The following AQR variants were observed in gnomAD, a reference collection of about 807,000 sequenced individuals.
The protein encoded by AQR is RNA helicase aquarius.
In AQR, 61 loss-of-function variants were observed where a neutral mutation model predicts 180.5. That is an observed-to-expected ratio of 0.34 (90% CI 0.28 to 0.42). The LOEUF (loss-of-function observed/expected upper bound fraction) is 0.42. AQR is among the 10% of genes least tolerant of loss of function. AQR has a pLI of 1.00. For missense variants in AQR, 1,281 were observed against 1,798.3 expected (o/e 0.71, Z 5.20); for synonymous variants, 551 against 588.8 (o/e 0.94, Z 0.93).
At chr15:34,955,606 T>C (rs1894300339) in intron 3 of AQR, among the ~76,000 whole-genome samples, 1 of 151,998 alleles carries the variant, frequency 6.6e-6, no homozygotes, top group South Asian at 2.1e-4. Context: ...GTAATAACAG[T>C]GAACAAAAGA....
At chr15:34,912,303 C>T (rs1377314977) in intron 16 of AQR, among the ~76,000 whole-genome samples, 2 of 152,090 alleles carry the variant, frequency 1.3e-5, no homozygotes, top group Non-Finnish European at 2.9e-5. Flanking sequence ...GCTTGGAGAA[C>T]TTCCCTTAGC....
intron 11 of AQR, among the ~76,000 whole-genome samples, chr15:34,930,859 C>T (rs1266500194): frequency 3.8e-5 from 5 of 131,472 alleles, no homozygotes; most frequent in African/African-American, 9.4e-5. Context: ...TGGTCTGAGA[C>T]GGAGTCTCGC....
intron 2 of AQR, among the ~76,000 whole-genome samples, chr15:34,963,582 T>G (rs550789292): frequency 4.6e-5 from 7 of 152,278 alleles, no homozygotes; most frequent in African/African-American, 1.4e-4. Context: ...TATTACATGA[T>G]CATTTATAAT....
At chr15:34,859,459 G>C (rs1892638586) in intron 34 of AQR, among the ~76,000 whole-genome samples, 1 of 152,114 alleles carries the variant, frequency 6.6e-6, no homozygotes, top group African/African-American at 2.4e-5. Flanking sequence ...AGTGTAAAGT[G>C]GTTCAACCAC....
chr15:34,897,520 A>C, intron 21 of AQR, 39 bp downstream of exon 21: 1 of 1,606,764 alleles, frequency 6.2e-7, no homozygotes, highest in South Asian at 1.1e-5. Flanking sequence ...ATGGCAAACT[A>C]TTGTTCATCA....
At chr15:34,875,006 T>C (rs1349556669) in intron 28 of AQR, 142 bp from the exon 29 acceptor site, 4 of 745,680 alleles carry the variant, frequency 5.4e-6, no homozygotes, top group Non-Finnish European at 8.5e-6. Flanking sequence ...AACAGGAGTC[T>C]AGCAAATTTA....
intron 10 of AQR, among the ~76,000 whole-genome samples, chr15:34,933,541 GA>G (rs1893898983): frequency 1.3e-5 from 2 of 151,616 alleles, no homozygotes; most frequent in South Asian, 4.2e-4. Flanking sequence ...GGCACATTTA[GA>G]AAAGTGAGAT....
chr15:34,954,166 C>T (rs935669663), intron 3 of AQR, among the ~76,000 whole-genome samples: 6 of 152,192 alleles, frequency 3.9e-5, no homozygotes, highest in African/African-American at 1.4e-4. Context: ...ATCCACCCAC[C>T]TCAGCCTCCA....
At chr15:34,924,266 C>T (rs1595798753) in intron 13 of AQR, among the ~76,000 whole-genome samples, 1 of 152,174 alleles carries the variant, frequency 6.6e-6, no homozygotes, top group South Asian at 2.1e-4. Context: ...AACAATATCT[C>T]ACAACAAACT....
intron 30 of AQR, among the ~76,000 whole-genome samples, chr15:34,872,575 C>A (rs565689882): frequency 7.9e-5 from 12 of 152,096 alleles, no homozygotes; most frequent in Non-Finnish European, 1.6e-4. Flanking sequence ...TAATTAATTT[C>A]TAAGGTGGCT....
chr15:34,949,149 C>T (rs1042005921), intron 4 of AQR, among the ~76,000 whole-genome samples: 7 of 151,776 alleles, frequency 4.6e-5, no homozygotes, highest in Non-Finnish European at 7.4e-5. Flanking sequence ...TGTGCCACCA[C>T]GCCCGGCTAA....
intron 30 of AQR, among the ~76,000 whole-genome samples, chr15:34,872,213 C>T (rs1312732229): frequency 6.6e-6 from 1 of 152,008 alleles, no homozygotes; most frequent in Non-Finnish European, 1.5e-5. Flanking sequence ...GAGTCAAGTC[C>T]CCTTCAAATT....
At chr15:34,868,908 T>C (rs942546806) in intron 31 of AQR, 11 of 152,100 alleles carry the variant, frequency 7.2e-5, no homozygotes, top group Admixed American at 1.3e-4. Context: ...TCATGAAAAG[T>C]TGGCCTGTTT....
chr15:34,923,239 G>A (rs1893708257), intron 13 of AQR, among the ~76,000 whole-genome samples: 1 of 152,040 alleles, frequency 6.6e-6, no homozygotes, highest in Non-Finnish European at 1.5e-5. Flanking sequence ...TATATATAGG[G>A]TTCAGTACAA....
At chr15:34,941,232 TAATC>T (rs1894017557) in intron 7 of AQR, among the ~76,000 whole-genome samples, 1 of 152,212 alleles carries the variant, frequency 6.6e-6, no homozygotes, top group Admixed American at 6.5e-5. Context: ...GTAAGCTCAA[TAATC>T]AATTAATTTT....
At chr15:34,884,128 C>T (rs961763638) in intron 26 of AQR, among the ~76,000 whole-genome samples, 2 of 151,954 alleles carry the variant, frequency 1.3e-5, no homozygotes, top group Non-Finnish European at 2.9e-5. Flanking sequence ...TATTTTGGGC[C>T]GGGTGTGGTG....
chr15:34,886,789 T>A (rs932140024), intron 24 of AQR, 128 bp from the exon 25 acceptor site: 120 of 969,802 alleles, frequency 1.2e-4, no homozygotes, highest in Non-Finnish European at 1.5e-4. Context: ...TGGCTTCTAT[T>A]TAACTATTGG....
At chr15:34,942,155 C>G (rs544665032) in intron 6 of AQR, 75 bp from the exon 7 acceptor site, 2 of 1,119,412 alleles carry the variant, frequency 1.8e-6, no homozygotes, top group East Asian at 2.6e-5. Flanking sequence ...AAGAAGTATA[C>G]TGCCTTTTTA....
At chr15:34,873,734 T>A in intron 30 of AQR, 94 bp downstream of exon 30, 2 of 1,192,344 alleles carry the variant, frequency 1.7e-6, no homozygotes, top group South Asian at 4.4e-5. Context: ...CAACTTTCCT[T>A]TTCTCAACGG....
Sources: allele counts gnomAD v4.1 joint callset (sites outside exome capture counted in the v4.1 genomes callset), GRCh38; gene constraint gnomAD v4.1.1; transcripts MANE v1.5; gene names NCBI Gene and HGNC (gene_info 2026-07-23, HGNC 2026-07-21).